The following TTC27 variants were observed in gnomAD, a reference collection of about 807,000 sequenced individuals.
TTC27 encodes the protein tetratricopeptide repeat domain 27, also known as tetratricopeptide repeat protein 27.
In TTC27, 79 loss-of-function variants were observed where a neutral mutation model predicts 115.9. That is an observed-to-expected ratio of 0.68 (90% confidence interval 0.57 to 0.82). The LOEUF is 0.82. TTC27 is among the 40% of genes least tolerant of loss of function. The pLI is 0.00. For synonymous variants in TTC27, 401 were observed against 356.0 expected, an observed-to-expected ratio of 1.13 and a Z score of -1.42; for missense variants, 1,054 against 993.1, an observed-to-expected ratio of 1.06 and a Z score of -0.82.
chr2:32,796,565 A>G (rs191342383), intron 16 of TTC27, among the ~76,000 whole-genome samples: 234 of 152,350 alleles, frequency 1.5e-3, no homozygotes, highest in Admixed American at 4.0e-3. Flanking sequence ...ACAAATTCCT[A>G]GAAACTCAAA....
intron 10 of TTC27, among the ~76,000 whole-genome samples, chr2:32,723,503 G>C (rs77361423): frequency 6.6e-6 from 1 of 151,974 alleles, no homozygotes; most frequent in Non-Finnish European, 1.5e-5. Flanking sequence ...GAGGCCAAAC[G>C]GGTATACACC....
chr2:32,744,136 G>A (rs1668738439), intron 12 of TTC27, among the ~76,000 whole-genome samples: 1 of 152,196 alleles, frequency 6.6e-6, no homozygotes, highest in Non-Finnish European at 1.5e-5. Flanking sequence ...TAAGATAAAA[G>A]TATGTACAGA....
At chr2:32,644,071 C>T (rs1025255151) in intron 4 of TTC27, among the ~76,000 whole-genome samples, 2 of 150,102 alleles carry the variant, frequency 1.3e-5, no homozygotes, top group African/African-American at 4.9e-5. Context: ...ATCTCAGCTA[C>T]TTGGAAGGCT....
At position 32,657,623 on chromosome 2, in the gene TTC27, G is replaced by C. The variant is rs148347066; in HGVS notation, c.641-6680G>C. Reference sequence around the variant, plus strand: ...AAGACAAAGGGGTATCTGTTTCTTAGCTGTAGGTGTTTCTGCCAGATTATA... The same window carrying C: ...AAGACAAAGGGGTATCTGTTTCTTACCTGTAGGTGTTTCTGCCAGATTATA... On this transcript the variant is annotated intron_variant, in intron 5 of 19. Transcript: ENST00000317907. Among the ~76,000 whole-genome samples, 11 of 152,162 alleles carry C rather than the reference G, an allele frequency of 7.2e-5. No homozygotes were observed. In the East Asian group the frequency reaches 1.9e-3, roughly 27 times the overall value.
chr2:32,794,750 G>A (rs1224826058), intron 16 of TTC27, among the ~76,000 whole-genome samples: 1 of 152,006 alleles, frequency 6.6e-6, no homozygotes. Context: ...AAATGAAAAT[G>A]GGGGACATTA....
chr2:32,738,422 G>A (rs368663090), intron 12 of TTC27, among the ~76,000 whole-genome samples: 21 of 152,216 alleles, frequency 1.4e-4, no homozygotes, highest in East Asian at 5.8e-4. Context: ...GTGATTCTAC[G>A]AGATGTTTTT....
intron 3 of TTC27, among the ~76,000 whole-genome samples, chr2:32,637,392 C>T (rs998022453): frequency 1.4e-4 from 22 of 151,842 alleles, no homozygotes; most frequent in Admixed American, 7.9e-4. Context: ...AGTGCAGTGG[C>T]GCAATCTCAG....
chr2:32,646,902 T>A (rs1174947863), intron 4 of TTC27, among the ~76,000 whole-genome samples: 1 of 151,832 alleles, frequency 6.6e-6, no homozygotes, highest in African/African-American at 2.4e-5. Flanking sequence ...ATATAAAGAT[T>A]TTTGGTTTGA....
At chr2:32,751,267 C>CACACACACACACACACACAA (rs1230968529) in intron 12 of TTC27, among the ~76,000 whole-genome samples, 1 of 141,794 alleles carries the variant, frequency 7.1e-6, no homozygotes, top group Non-Finnish European at 1.6e-5. Flanking sequence ...ACCACACACA[C>CACACACACACACACACACAA]ACACACACAC....
At chr2:32,717,716 C>T (rs1343166787) in intron 10 of TTC27, among the ~76,000 whole-genome samples, 3 of 152,134 alleles carry the variant, frequency 2.0e-5, no homozygotes, top group African/African-American at 7.2e-5. Context: ...AAGTCATTAC[C>T]TCAATATCGT....
intron 10 of TTC27, among the ~76,000 whole-genome samples, chr2:32,707,922 G>A (rs149574929): frequency 9.5e-4 from 144 of 151,822 alleles, no homozygotes; most frequent in Middle Eastern, 6.8e-3. Flanking sequence ...GATGAGCCTG[G>A]AACATCTTGT....
intron 12 of TTC27, among the ~76,000 whole-genome samples, chr2:32,743,629 T>C (rs748324858): frequency 6.6e-6 from 1 of 152,166 alleles, no homozygotes; most frequent in Non-Finnish European, 1.5e-5. Flanking sequence ...AAATACACCA[T>C]CAGGATGGGG....
At chr2:32,663,680 GTATT>G (rs1313931097) in intron 5 of TTC27, among the ~76,000 whole-genome samples, 2,769 of 54,442 alleles carry the variant, frequency 0.051, 44 homozygotes, top group Middle Eastern at 0.081. Context: ...ATGTATGTAT[GTATT>G]TATTTATTTA....
In TTC27 at chr2:32,650,121, T is replaced by C. The variant is rs1389007793; in HGVS notation, c.538-10T>C. The C allele has an allele frequency of 7.5e-6, 12 of 1,610,538 alleles. No homozygotes were observed. The highest frequency in any genetic ancestry group is 1.0e-5 in the Non-Finnish European group (12 of 1,177,770). On this transcript the variant is annotated splice_polypyrimidine_tract_variant and intron_variant, in intron 4 of 19. Transcript: ENST00000317907. ...CCTTTTATTTCAGCTTACGTGGTGT[T>C]TTTTCCTAGAGCTTGCCATGGTGGA...
chr2:32,657,041 A>C (rs553138738), intron 5 of TTC27, among the ~76,000 whole-genome samples: 1 of 147,966 alleles, frequency 6.8e-6, no homozygotes, highest in East Asian at 2.0e-4. Context: ...GCTGGAGTAC[A>C]GTGGCACGAT....
chr2:32,704,836 T>G (rs1451825970), intron 10 of TTC27: 1 of 469,462 alleles, frequency 2.1e-6, no homozygotes, highest in Non-Finnish European at 4.4e-6. Context: ...ATTGTAGAAA[T>G]GATGTAGTAC....
At chr2:32,769,390 G>C (rs910513171) in intron 13 of TTC27, among the ~76,000 whole-genome samples, 11 of 152,232 alleles carry the variant, frequency 7.2e-5, no homozygotes, top group Admixed American at 1.3e-4. Context: ...GGAGAGTAAA[G>C]GGTGAGTGAT....
chr2:32,670,644 A>G (rs1307938038), intron 7 of TTC27, among the ~76,000 whole-genome samples: 1 of 151,748 alleles, frequency 6.6e-6, no homozygotes, highest in African/African-American at 2.4e-5. Context: ...TTGAAATGGA[A>G]TCTCGCTCTA....
intron 16 of TTC27, among the ~76,000 whole-genome samples, chr2:32,796,368 T>G (rs1425274112): frequency 6.6e-6 from 1 of 152,202 alleles, no homozygotes; most frequent in East Asian, 1.9e-4. Context: ...AAGTTGTCAG[T>G]ACTACCCAAA....
Sources: gnomAD v4.1 joint callset for allele counts (sites outside exome capture counted in the v4.1 genomes callset) on GRCh38, gnomAD v4.1.1 for gene constraint, MANE v1.5 for transcripts, NCBI Gene and HGNC (gene_info 2026-07-23, HGNC 2026-07-21) for gene names.